CREB3L1: variants seen among roughly 807,000 people sequenced by gnomAD.
The protein encoded by CREB3L1 is cyclic AMP-responsive element-binding protein 3-like protein 1.
In CREB3L1, 33 loss-of-function variants were observed where a neutral mutation model predicts 54.5. The ratio of observed to expected loss-of-function variants is 0.61; its 90% CI spans 0.46 to 0.81. CREB3L1 has a LOEUF of 0.81. Among genes scored for constraint, CREB3L1 ranks in the 30% least tolerant of loss-of-function variants. The pLI, the probability that CREB3L1 is intolerant of heterozygous loss-of-function variation, is 0.00. For synonymous variants in CREB3L1, 284 were observed against 286.4 expected, an observed-to-expected ratio of 0.99 and a Z score of 0.08; for missense variants, 656 against 673.3, an observed-to-expected ratio of 0.97 and a Z score of 0.29.
chr11:46,314,809 GC>G (rs1284147071), intron 8 of CREB3L1, among the ~76,000 whole-genome samples: 1 of 151,600 alleles, frequency 6.6e-6, no homozygotes, highest in African/African-American at 2.4e-5. Context: ...TTGGGTTCAA[GC>G]AATTCTCATG....
At position 46,321,381 on chromosome 11, in the gene CREB3L1, G is replaced by C; in HGVS notation, c.*635G>C. 1 of 149,384 alleles carries C rather than the reference G, an allele frequency of 6.7e-6. No homozygotes were observed. Among genetic ancestry groups the C allele is most frequent in the Non-Finnish European group, 1.3e-5 (1 of 74,886 alleles). 9.3% of individuals were successfully genotyped at this position (149,384 alleles called of 1,614,324 possible). ...TTCATCAGCTCAGCACATGCTTTAA[G>C]AAAGCAAAACCAAAAAAAAAAAAAA... On this transcript the variant is annotated 3_prime_UTR_variant, in exon 12 of 12. Coordinates refer to ENST00000621158, the MANE Select transcript of CREB3L1 (RefSeq NM_052854.4).
chr11:46,312,248 A>G, intron 5 of CREB3L1, 77 bp from the exon 6 acceptor site: 16 of 1,301,186 alleles, frequency 1.2e-5, no homozygotes, highest in East Asian at 2.5e-5. Flanking sequence ...CCCAGGTCAT[A>G]TAGATAGCAC....
Position 46,278,748 on chromosome 11 carries a change from G to C in CREB3L1, c.102+535G>C, listed in dbSNP as rs556296296. ...CCAGAGACCCCCCACCCCAGGGAGG[G>C]ACCTGAGGCTGGGGGCTGGGAAGAG... is the stretch of plus-strand genomic sequence containing the variant. On this transcript the variant is annotated intron_variant, in intron 1 of 11. Transcript: ENST00000621158. The surrounding 1 kb of genome is among the most constrained non-coding windows in gnomAD (Gnocchi z 4.2). 1.1e-4 allele frequency among the ~76,000 whole-genome samples: 17 copies of C among 152,338 alleles called. No individual in the cohort carries two copies. The highest frequency in any genetic ancestry group is 2.1e-4 in the Non-Finnish European group (14 of 68,026).
At chr11:46,305,879 A>G (rs1939389313) in intron 2 of CREB3L1, among the ~76,000 whole-genome samples, 1 of 150,424 alleles carries the variant, frequency 6.6e-6, no homozygotes, top group African/African-American at 2.5e-5. Context: ...CTGGGACTAC[A>G]GGCGCCCGCC....
rs1329938183 is a variant in CREB3L1 at position 46,315,183 on chromosome 11, G to A, written c.1032-1103G>A. On this transcript the variant is annotated intron_variant, in intron 8 of 11. Transcript: ENST00000621158. Reference sequence around the variant, plus strand: ...CCTTCTCCCCCAGCTTCTCCAGCGGGATCCAGCCACTCCTCTGTTCCCTGA... The same window carrying A: ...CCTTCTCCCCCAGCTTCTCCAGCGGAATCCAGCCACTCCTCTGTTCCCTGA... 1.8e-5 allele frequency: 6 copies of A among 336,146 alleles called. No homozygotes were observed. In the Admixed American group the frequency reaches 1.8e-4, roughly 10 times the overall value. 20.8% of individuals were successfully genotyped at this position (336,146 alleles called of 1,614,324 possible). A position where few individuals can be genotyped will look rare whatever the true frequency, so the allele number is the denominator to read the frequency against.
chr11:46,307,947 A>C lies in CREB3L1; in HGVS notation c.463A>C (p.Thr155Pro), dbSNP rs372330073. The C allele has an allele frequency of 3.6e-4, 552 of 1,547,540 alleles. 2 individuals carry two copies. The African/African-American group carries it at 6.1e-3, about 17-fold the overall frequency. ...CATGGCTGCCGCGGCCGCCATGGCC[A>C]CCACCCCGCTGCTGGGCCTCAGCCC... ...SAMAAAAAMATTPLLGLSPLS... is the reference protein window; with the variant it reads ...SAMAAAAAMAPTPLLGLSPLS... The change falls in exon 3 of 12, where the codon ACC becomes CCC. Residue 155 changes from threonine (T) to proline (P), a missense_variant. By Grantham distance (38) the Thr-to-Pro change is conservative (BLOSUM62 -1). Coordinates refer to ENST00000621158, the MANE Select transcript of CREB3L1 (RefSeq NM_052854.4).
At chr11:46,310,881 G>T in intron 4 of CREB3L1, 151 bp from the exon 5 acceptor site, 1 of 1,190,542 alleles carries the variant, frequency 8.4e-7, no homozygotes. Flanking sequence ...CCCTGCAGAG[G>T]GGCTTCTGAT....
In CREB3L1 at chr11:46,309,911, T is replaced by C; in HGVS notation, c.517-78T>C. 3 of 1,195,628 alleles carry C rather than the reference T, an allele frequency of 2.5e-6. No homozygotes were observed. The South Asian group carries it at 3.9e-5, about 16-fold the overall frequency. The allele number at this position is 1,195,628 out of a possible 1,614,324, so 74.1% of individuals were successfully genotyped here. A position where few individuals can be genotyped will look rare whatever the true frequency, so the allele number is the denominator to read the frequency against. ...ACTGTGCAGGGCAGGCAACCAGCTT[T>C]AGGGAGGAGGTGGGTAGATGGCATG... On this transcript the variant is annotated intron_variant, in intron 3 of 11. Coordinates refer to ENST00000621158, the MANE Select transcript of CREB3L1 (RefSeq NM_052854.4).
At chr11:46,282,916 G>A (rs573739661) in intron 1 of CREB3L1, among the ~76,000 whole-genome samples, 8 of 152,244 alleles carry the variant, frequency 5.3e-5, no homozygotes, top group Non-Finnish European at 7.3e-5. Context: ...GTTCCTTTGC[G>A]GTGACTCATG....
chr11:46,285,384 G>A (rs1217326049), intron 1 of CREB3L1, among the ~76,000 whole-genome samples: 1 of 152,120 alleles, frequency 6.6e-6, no homozygotes, highest in East Asian at 1.9e-4. Context: ...ACCCTCTTGA[G>A]CAGCCCTGGG....
At chr11:46,297,103 C>G (rs1051426090) in intron 1 of CREB3L1, among the ~76,000 whole-genome samples, 3 of 152,228 alleles carry the variant, frequency 2.0e-5, no homozygotes, top group Non-Finnish European at 2.9e-5. Context: ...CAGCCCCCTC[C>G]CACTGGGCCC....
chr11:46,283,069 T>G (rs1404923173), intron 1 of CREB3L1, among the ~76,000 whole-genome samples: 1 of 151,356 alleles, frequency 6.6e-6, no homozygotes, highest in African/African-American at 2.4e-5. Flanking sequence ...CATATGCCTG[T>G]GGTCCCAGCC....
intron 1 of CREB3L1, among the ~76,000 whole-genome samples, chr11:46,281,114 ATGT>A (rs1245510929): frequency 1.2e-4 from 18 of 152,138 alleles, no homozygotes; most frequent in Non-Finnish European, 2.1e-4. Context: ...GGATACCTTC[ATGT>A]TGCTGCAATT....
At chr11:46,319,721 A>G (rs1590354077) in intron 10 of CREB3L1, among the ~76,000 whole-genome samples, 1 of 152,098 alleles carries the variant, frequency 6.6e-6, no homozygotes, top group East Asian at 1.9e-4. Context: ...TCTACTAAAA[A>G]TACAAAAAGT....
intron 1 of CREB3L1, among the ~76,000 whole-genome samples, chr11:46,279,151 G>A (rs1203068356): frequency 1.3e-5 from 2 of 152,084 alleles, no homozygotes; most frequent in African/African-American, 2.4e-5. Flanking sequence ...CACCAGTTGC[G>A]TGTGCATGCC....
intron 1 of CREB3L1, among the ~76,000 whole-genome samples, chr11:46,279,628 A>G (rs1314202778): frequency 1.3e-5 from 2 of 151,896 alleles, no homozygotes; most frequent in East Asian, 3.9e-4. Flanking sequence ...AATGGGGGAG[A>G]GGTTGGATCA....
At chr11:46,293,476 G>C (rs1939159563) in intron 1 of CREB3L1, among the ~76,000 whole-genome samples, 1 of 152,216 alleles carries the variant, frequency 6.6e-6, no homozygotes, top group Non-Finnish European at 1.5e-5. Context: ...TGTCAGGAGG[G>C]GCAATGGAAG....
intron 8 of CREB3L1, among the ~76,000 whole-genome samples, chr11:46,314,534 C>A (rs561760738): frequency 6.6e-6 from 1 of 151,926 alleles, no homozygotes; most frequent in South Asian, 2.1e-4. Context: ...ACACCACCAC[C>A]CCTGGCTAAT....
At position 46,320,413 on chromosome 11, in the gene CREB3L1, G is replaced by C. The variant is rs1216146418; in HGVS notation, c.1408G>C (p.Asp470His). The change falls in exon 11 of 12, where the codon GAT becomes CAT. Residue 470 changes from aspartate to histidine, a missense_variant. This residue lies in a region of CREB3L1 where 240 missense variants were observed against 219.8 expected (regional missense o/e 1.09). Transcript: ENST00000621158. ...EQRPRDHLQH[D>H]HLDSTHETTK... ...GCGGCCCCGGGACCACCTGCAGCAT[G>C]ATCACCTGGACAGCACCCACGAGAC... 1 of 1,611,310 alleles carries C rather than the reference G, an allele frequency of 6.2e-7. No homozygotes were observed. The highest frequency in any genetic ancestry group is 1.7e-5 in the Admixed American group (1 of 59,564).
Sources: gnomAD v4.1 joint callset for allele counts (sites outside exome capture counted in the v4.1 genomes callset) on GRCh38, gnomAD v4.1.1 for gene constraint, gnomAD v4.1.1 regional missense constraint, Gnocchi (gnomAD v3.1) non-coding constraint, MANE v1.5 for transcripts, NCBI Gene and HGNC (gene_info 2026-07-23, HGNC 2026-07-21) for gene names.